Variants in NBPF11 observed in about 807,000 individuals in gnomAD.
NBPF11 encodes NBPF member 11.
Under a neutral mutation model 93.9 loss-of-function variants are expected in NBPF11, and 72 were observed. The ratio of observed to expected loss-of-function variants is 0.77; its 90% CI spans 0.63 to 0.93. The LOEUF is 0.93. Among genes scored for constraint, NBPF11 ranks in the 40% least tolerant of loss-of-function variants. NBPF11 has a pLI of 0.00. For missense variants in NBPF11, 705 were observed against 802.2 expected (o/e 0.88, Z 1.46); for synonymous variants, 224 against 304.9 (o/e 0.73, Z 2.76).
chr1:148,146,570 C>A lies in NBPF11; in HGVS notation c.-548-2884G>T, dbSNP rs1187628827. 9 of 1,606,776 alleles carry A rather than the reference C, an allele frequency of 5.6e-6. No homozygotes were observed. In the Admixed American group the frequency reaches 1.3e-4, roughly 24 times the overall value. On this transcript the variant is annotated intron_variant, in intron 1 of 23. Transcript: ENST00000682118. The stretch of plus-strand genomic sequence containing the variant: ...GCCCCCTTGGGGACCCTGAGAGCCT[C>A]CTCGGGCGCACCCGGGCGCTGGAAG...
intron 1 of NBPF11, chr1:148,146,418 G>C: frequency 2.5e-6 from 4 of 1,602,998 alleles, no homozygotes; most frequent in Non-Finnish European, 3.4e-6. Context: ...CGCTGAGTGA[G>C]CTCTGCTGCC....
rs1456704774 is a variant in NBPF11 at position 148,124,061 on chromosome 1, A to C, written c.285T>G (p.Tyr95Ter). 41 of 1,602,850 alleles carry C rather than the reference A, an allele frequency of 2.6e-5. 1 individual carries two copies. The African/African-American group carries it at 4.3e-4, about 17-fold the overall frequency. ...GTTCCTGAGAGTGAACCAGGACTTT[A>C]TATTGCCTAAGGTGAGACGGTAGAG... ...QLKQAEELRQ[Y>*]KVLVHSQERE... The change falls in exon 7 of 24, where the codon TAT becomes TAG. Residue 95 changes from tyrosine to a stop codon, truncating the protein, a stop_gained. Coordinates refer to ENST00000682118, the MANE Select transcript of NBPF11 (RefSeq NM_001385469.3). LOFTEE classifies it high-confidence loss of function.
At chr1:148,112,221 G>A (rs1665463209) in intron 15 of NBPF11, among the ~76,000 whole-genome samples, 1 of 147,118 alleles carries the variant, frequency 6.8e-6, no homozygotes, top group Admixed American at 6.8e-5. Context: ...AGTTACATAT[G>A]TATACATGTC....
chr1:148,146,768 G>C (rs1342358148), intron 1 of NBPF11: 10 of 1,613,006 alleles, frequency 6.2e-6, no homozygotes, highest in Non-Finnish European at 8.5e-6. Context: ...GTGGACCTGG[G>C]CCAGATGAGC....
chr1:148,114,297 C>T lies in NBPF11; in HGVS notation c.1637+140G>A, dbSNP rs1170725005. On this transcript the variant is annotated intron_variant, in intron 15 of 23. Transcript: ENST00000682118. ...AAACCAACACAAGTGCCACAAATGA[C>T]ATACAACATTGTAAATCAGCACAAT... 5.5e-5 allele frequency: 40 copies of T among 731,802 alleles called. 1 individual carries two copies. The highest frequency in any genetic ancestry group is 1.8e-4 in the Admixed American group (10 of 55,452). The allele number at this position is 731,802 out of a possible 1,614,324, so 45.3% of individuals were successfully genotyped here.
chr1:148,111,130 G>A, intron 15 of NBPF11, among the ~76,000 whole-genome samples: 1 of 150,994 alleles, frequency 6.6e-6, no homozygotes, highest in East Asian at 2.0e-4. Flanking sequence ...TGGACTTCCA[G>A]CAAACTCCAA....
intron 14 of NBPF11, among the ~76,000 whole-genome samples, chr1:148,115,236 C>T (rs1273746683): frequency 2.9e-5 from 4 of 139,694 alleles, no homozygotes; most frequent in Non-Finnish European, 4.6e-5. Context: ...TTGGATCAGC[C>T]ATTGCATTGA....
chr1:148,148,047 C>T lies in NBPF11; in HGVS notation c.-549+3703G>A, dbSNP rs1185296931. 2.0e-5 allele frequency among the ~76,000 whole-genome samples: 3 copies of T among 152,270 alleles called. No individual in the cohort carries two copies. In the East Asian group the frequency reaches 5.8e-4, roughly 29 times the overall value. On this transcript the variant is annotated intron_variant, in intron 1 of 23. Transcript: ENST00000682118. ...GACATCCAGGTGGCAGCTGGGGGCTCCTGCCTGTAGCAGGTGGCAGGGCTG... is the reference window on the plus strand; with the variant it reads ...GACATCCAGGTGGCAGCTGGGGGCTTCTGCCTGTAGCAGGTGGCAGGGCTG...
chr1:148,122,895 T>C (rs1668208134), intron 7 of NBPF11, 94 bp from the exon 8 acceptor site: 5 of 1,602,258 alleles, frequency 3.1e-6, no homozygotes, highest in East Asian at 2.2e-5. Context: ...TATCTATGTA[T>C]GGTTCAGCAT....
chr1:148,145,344 T>C (rs1672832096), intron 1 of NBPF11, among the ~76,000 whole-genome samples: 2 of 145,202 alleles, frequency 1.4e-5, no homozygotes, highest in South Asian at 4.5e-4. Context: ...CCTGAGTAGC[T>C]GGGATTACAG....
At chr1:148,142,040 G>GAAAA (rs1672263978) in intron 2 of NBPF11, among the ~76,000 whole-genome samples, 3 of 143,176 alleles carry the variant, frequency 2.1e-5, no homozygotes, top group Non-Finnish European at 4.6e-5. Flanking sequence ...GAGGGAGGAA[G>GAAAA]GAAGGCAGGG....
In NBPF11 at chr1:148,108,672, A is replaced by G; in HGVS notation, c.1854-18T>C. 2.3e-6 allele frequency: 2 copies of G among 882,506 alleles called. No individual in the cohort carries two copies. The highest frequency in any genetic ancestry group is 3.9e-6 in the Non-Finnish European group (2 of 515,284). 54.7% of individuals were successfully genotyped at this position (882,506 alleles called of 1,614,324 possible). ...TGCTGAGCCTGGAAAAGTGGGAAAAAGTAAAGAATAAGCCAGGGGGAATCA... is the reference window on the plus strand; with the variant it reads ...TGCTGAGCCTGGAAAAGTGGGAAAAGGTAAAGAATAAGCCAGGGGGAATCA... On this transcript the variant is annotated intron_variant, in intron 17 of 23. Coordinates refer to ENST00000682118, the MANE Select transcript of NBPF11 (RefSeq NM_001385469.3).
intron 4 of NBPF11, among the ~76,000 whole-genome samples, chr1:148,132,221 A>C (rs1670494460): frequency 8.7e-6 from 1 of 115,478 alleles, no homozygotes; most frequent in Admixed American, 1.1e-4. Context: ...ATATACACAC[A>C]CACACACACA....
chr1:148,119,875 C>G (rs1400469701), intron 10 of NBPF11, among the ~76,000 whole-genome samples: 1 of 152,082 alleles, frequency 6.6e-6, no homozygotes, highest in Non-Finnish European at 1.5e-5. Context: ...AGGCTGGTCT[C>G]AAACTCCTGA....
In NBPF11 at chr1:148,147,006, G is replaced by A; in HGVS notation, c.-548-3320C>T. The A allele has an allele frequency of 3.7e-6, 5 of 1,366,580 alleles. 1 individual carries two copies. The South Asian group carries it at 6.5e-5, about 18-fold the overall frequency. The allele number at this position is 1,366,580 out of a possible 1,614,324, so 84.7% of individuals were successfully genotyped here. ...GGCCGGGGGGCGGGCTTCCCTGGGA[G>A]GAAGGTGGGCGGCCCTGCAGGAGGG... is the stretch of plus-strand genomic sequence containing the variant. On this transcript the variant is annotated intron_variant, in intron 1 of 23. Coordinates refer to ENST00000682118, the MANE Select transcript of NBPF11 (RefSeq NM_001385469.3).
At chr1:148,117,106 T>C (rs1416108926) in intron 12 of NBPF11, among the ~76,000 whole-genome samples, 2 of 151,914 alleles carry the variant, frequency 1.3e-5, no homozygotes, top group South Asian at 2.1e-4. Context: ...GGAAAGCAGT[T>C]GTAAGTGTTC....
chr1:148,115,101 G>T (rs1372727648), intron 14 of NBPF11, among the ~76,000 whole-genome samples: 1 of 116,718 alleles, frequency 8.6e-6, no homozygotes. Flanking sequence ...GGAGGCAGAG[G>T]TTGCACCAAG....
At chr1:148,140,163 A>G (rs1225334131) in intron 2 of NBPF11, among the ~76,000 whole-genome samples, 2 of 152,194 alleles carry the variant, frequency 1.3e-5, no homozygotes, top group Admixed American at 1.3e-4. Context: ...GGAGGTTTAG[A>G]GACAATTTAA....
rs1236911160 is a variant in NBPF11 at position 148,102,766 on chromosome 1, CTTT to C, written c.*1127_*1129del. ...AACTAAAGAAATGCAGCTACATTAT[CTTT>C]TTACTTTTTTTCAACCCAAAATATC... On this transcript the variant is annotated 3_prime_UTR_variant, in exon 24 of 24. Coordinates refer to ENST00000682118, the MANE Select transcript of NBPF11 (RefSeq NM_001385469.3). 6.6e-6 allele frequency: 1 copy of C among 150,674 alleles called. No homozygotes were observed. The highest frequency in any genetic ancestry group is 1.9e-4 in the East Asian group (1 of 5,168). 9.3% of individuals were successfully genotyped at this position (150,674 alleles called of 1,614,324 possible). A position where few individuals can be genotyped will look rare whatever the true frequency, so the allele number is the denominator to read the frequency against.
Sources: gnomAD v4.1 joint callset for allele counts (sites outside exome capture counted in the v4.1 genomes callset) on GRCh38, gnomAD v4.1.1 for gene constraint, MANE v1.5 for transcripts, NCBI Gene and HGNC (gene_info 2026-07-23, HGNC 2026-07-21) for gene names.